DENND3: variants seen among roughly 807,000 people sequenced by gnomAD.
DENND3 encodes the protein DENN domain containing 3.
DENND3 carries 88 observed loss-of-function variants against 135.1 expected under a neutral mutation model. The observed-to-expected ratio is 0.65, with a 90% CI of 0.55 to 0.78. The LOEUF (loss-of-function observed/expected upper bound fraction) is 0.78. DENND3 is among the 30% of genes least tolerant of loss of function. DENND3 has a pLI of 0.00. For missense variants in DENND3, 1,392 were observed against 1,688.4 expected (o/e 0.82, Z 3.08); for synonymous variants, 693 against 712.3 (o/e 0.97, Z 0.43).
At position 141,167,166 on chromosome 8, in the gene DENND3, G is replaced by C. The variant is rs1353002438; in HGVS notation, c.1753+777G>C. Among the ~76,000 whole-genome samples, 1 of 152,326 alleles carries C rather than the reference G, an allele frequency of 6.6e-6. No homozygotes were observed. Among genetic ancestry groups the C allele is most frequent in the East Asian group, 1.9e-4 (1 of 5,192 alleles). ...TTGTCTTTATCGGCTGAGCGCTGGA[G>C]CTCAGAGCGAACATTCTGGAGGCCA... On this transcript the variant is annotated intron_variant, in intron 12 of 22. Coordinates refer to ENST00000519811, the MANE Select transcript of DENND3 (RefSeq NM_001352890.3). This position sits in a 1 kb window ranked among gnomAD's most constrained non-coding sequence, Gnocchi z 4.1.
At chr8:141,188,716 C>T (rs768459176) in intron 18 of DENND3, 43 of 411,710 alleles carry the variant, frequency 1.0e-4, no homozygotes, top group Non-Finnish European at 1.7e-4. Flanking sequence ...GCCGCAGTGA[C>T]AGTGCTGGCG....
chr8:141,169,689 T>C (rs1263884542), intron 13 of DENND3, among the ~76,000 whole-genome samples: 1 of 152,210 alleles, frequency 6.6e-6, no homozygotes, highest in South Asian at 2.1e-4. Flanking sequence ...TTACTACAAA[T>C]GGATGCACCT....
At chr8:141,157,722 C>T (rs1235179704) in intron 8 of DENND3, 1 of 985,360 alleles carries the variant, frequency 1.0e-6, no homozygotes, top group African/African-American at 1.8e-5. Context: ...TTCCTTCTAC[C>T]TGGAAGGTTT....
At chr8:141,153,780 A>G (rs866465611) in intron 7 of DENND3, among the ~76,000 whole-genome samples, 16 of 152,196 alleles carry the variant, frequency 1.1e-4, no homozygotes, top group Admixed American at 2.0e-4. Context: ...TTCTTTTTTT[A>G]GTCATTAGGG....
In DENND3 at chr8:141,132,064, A is replaced by G. The variant is rs556076972; in HGVS notation, c.102+3255A>G. On this transcript the variant is annotated intron_variant, in intron 1 of 22. Coordinates refer to ENST00000519811, the MANE Select transcript of DENND3 (RefSeq NM_001352890.3). ...CTTGAGAACCACCCACACATCTCTC[A>G]GGAGGAGGCTGGGTCAATACATGAC... Among the ~76,000 whole-genome samples, 557 of 152,288 alleles carry G rather than the reference A, an allele frequency of 3.7e-3. 4 individuals are homozygous for G. Among genetic ancestry groups the G allele is most frequent in the African/African-American group, 0.013 (529 of 41,562 alleles).
chr8:141,175,528 C>T lies in DENND3; in HGVS notation c.2535+69C>T, dbSNP rs957624411. On this transcript the variant is annotated intron_variant, in intron 14 of 22. Coordinates refer to ENST00000519811, the MANE Select transcript of DENND3 (RefSeq NM_001352890.3). This position sits in a 1 kb window ranked among gnomAD's most constrained non-coding sequence, Gnocchi z 5.4. ...TAGGAGACAGATGGCTGGAGTGGGC[C>T]CTGAGCAGTCTGCCAGCCATGCCAA... 30 of 1,610,056 alleles carry T rather than the reference C, an allele frequency of 1.9e-5. No homozygotes were observed. The highest frequency in any genetic ancestry group is 3.3e-5 in the South Asian group (3 of 90,354).
intron 18 of DENND3, chr8:141,188,318 G>A (rs1341721367): frequency 6.6e-6 from 1 of 152,206 alleles, no homozygotes; most frequent in Non-Finnish European, 1.5e-5. Flanking sequence ...CAGAAACCCT[G>A]AGCGCACTCT....
At chr8:141,190,863 T>C (rs1047652464) in intron 20 of DENND3, among the ~76,000 whole-genome samples, 6 of 152,230 alleles carry the variant, frequency 3.9e-5, no homozygotes, top group Non-Finnish European at 7.4e-5. Context: ...CCTGGGACTC[T>C]CCGTGGACCC....
chr8:141,176,835 G>T, intron 15 of DENND3, 74 bp downstream of exon 15: 5 of 1,551,752 alleles, frequency 3.2e-6, no homozygotes, highest in Non-Finnish European at 4.4e-6. Context: ...GGGTCCTGTG[G>T]CAGTCCTCAG....
intron 15 of DENND3, 73 bp from the exon 16 acceptor site, chr8:141,177,982 ATTGTCCTGTGTG>A: frequency 2.7e-6 from 4 of 1,473,840 alleles, no homozygotes. Context: ...TTTTGGAAGG[ATTGTCCTGTGTG>A]TTGCAACAAG....
rs1820972965 is a variant in DENND3, at chr8:141,167,580, C to A, written c.1754-424C>A. 6.6e-6 allele frequency among the ~76,000 whole-genome samples: 1 copy of A among 152,190 alleles called. No individual in the cohort carries two copies. Among genetic ancestry groups the A allele is most frequent in the South Asian group, 2.1e-4 (1 of 4,832 alleles). ...ACCCAGGCTGTGGAAGCCTCGGTTTCCGCATCTGTAGAACGGGACTATAGT... is the reference window on the plus strand; with the variant it reads ...ACCCAGGCTGTGGAAGCCTCGGTTTACGCATCTGTAGAACGGGACTATAGT... On this transcript the variant is annotated intron_variant, in intron 12 of 22. Coordinates refer to ENST00000519811, the MANE Select transcript of DENND3 (RefSeq NM_001352890.3). The surrounding 1 kb of genome is among the most constrained non-coding windows in gnomAD (Gnocchi z 4.1).
At position 141,183,399 on chromosome 8, in the gene DENND3, T is replaced by G. The variant is rs1189846756; in HGVS notation, c.2945-1740T>G. Among the ~76,000 whole-genome samples the G allele has an allele frequency of 2.0e-5, 3 of 151,092 alleles. No homozygotes were observed. In the East Asian group the frequency reaches 5.8e-4, roughly 29 times the overall value. On this transcript the variant is annotated intron_variant, in intron 17 of 22. Coordinates refer to ENST00000519811, the MANE Select transcript of DENND3 (RefSeq NM_001352890.3). ...TAGCTGGACTGCAGGTGCACACCAC[T>G]ATGCCCAGCCAATTTTTGTATTTTT...
chr8:141,143,211 A>C (rs551486674), intron 4 of DENND3, among the ~76,000 whole-genome samples: 6 of 152,372 alleles, frequency 3.9e-5, no homozygotes, highest in Non-Finnish European at 5.9e-5. Context: ...CCACGTGGAC[A>C]AAAAATGGGC....
intron 13 of DENND3, among the ~76,000 whole-genome samples, chr8:141,172,153 T>G (rs570439731): frequency 1.3e-4 from 18 of 142,204 alleles, no homozygotes; most frequent in African/African-American, 4.5e-4. Flanking sequence ...TGGGTGTGCA[T>G]AGTGACTGTG....
At position 141,145,806 on chromosome 8, in the gene DENND3, TATATATATATATATATA is replaced by T. The variant is rs1569555433; in HGVS notation, c.735+1548_735+1564del. ...TATTTGTCTTTAATATTGAATATTA[TATATATATATATATATA>T]TATATATATATATATATATATATAT... On this transcript the variant is annotated intron_variant, in intron 5 of 22. Coordinates refer to ENST00000519811, the MANE Select transcript of DENND3 (RefSeq NM_001352890.3). Among the ~76,000 whole-genome samples, 22 of 7,498 alleles carry T rather than the reference TATATATATATATATATA, an allele frequency of 2.9e-3. 1 individual carries two copies. The highest frequency in any genetic ancestry group is 9.7e-3 in the African/African-American group (20 of 2,052). The allele number at this position is 7,498 out of a possible 152,430, so 4.9% of individuals were successfully genotyped here.
intron 13 of DENND3, among the ~76,000 whole-genome samples, chr8:141,172,660 C>T (rs148962654): frequency 3.3e-5 from 5 of 152,346 alleles, no homozygotes; most frequent in Non-Finnish European, 5.9e-5. Flanking sequence ...CTCTCACTTG[C>T]TCTCCTTTTC....
At chr8:141,162,909 G>A (rs1225846512) in intron 9 of DENND3, among the ~76,000 whole-genome samples, 1 of 152,324 alleles carries the variant, frequency 6.6e-6, no homozygotes, top group South Asian at 2.1e-4. Context: ...GCAAGACCCC[G>A]TCTAAACAAA....
chr8:141,170,851 C>G (rs755827782), intron 13 of DENND3, among the ~76,000 whole-genome samples: 1 of 152,210 alleles, frequency 6.6e-6, no homozygotes, highest in African/African-American at 2.4e-5. Context: ...CCTGGAGCGG[C>G]CTGCTGTCTC....
rs757612674 is a variant in DENND3 at position 141,141,331 on chromosome 8, T to G, written c.623+7T>G. 5.4e-6 allele frequency: 8 copies of G among 1,478,168 alleles called. No homozygotes were observed. The highest frequency in any genetic ancestry group is 5.4e-6 in the Non-Finnish European group (6 of 1,102,982). 91.6% of individuals were successfully genotyped at this position (1,478,168 alleles called of 1,614,324 possible). A position where few individuals can be genotyped will look rare whatever the true frequency, so the allele number is the denominator to read the frequency against. ...TCAAGGACTGCCTTTCCTGGTGAGC[T>G]GGGGCACCGGGGGCCAGGGGTGGTA... is the stretch of plus-strand genomic sequence containing the variant. On this transcript the variant is annotated splice_region_variant and intron_variant, in intron 4 of 22. Coordinates refer to ENST00000519811, the MANE Select transcript of DENND3 (RefSeq NM_001352890.3). This position sits in a 1 kb window ranked among gnomAD's most constrained non-coding sequence, Gnocchi z 5.3.
Sources: allele counts gnomAD v4.1 joint callset (sites outside exome capture counted in the v4.1 genomes callset), GRCh38; gene constraint gnomAD v4.1.1; non-coding constraint Gnocchi (gnomAD v3.1); transcripts MANE v1.5; gene names NCBI Gene and HGNC (gene_info 2026-07-23, HGNC 2026-07-21).